DDHD2: variants seen among roughly 807,000 people sequenced by gnomAD.
DDHD2 encodes triacylglycerol hydrolase DDHD2.
A neutral mutation model predicts 91.2 loss-of-function variants in DDHD2; 62 were observed. The observed-to-expected ratio is 0.68, with a 90% confidence interval of 0.55 to 0.84. The LOEUF (loss-of-function observed/expected upper bound fraction) is 0.84. Ranked by LOEUF, DDHD2 falls within the 40% of genes least tolerant of loss-of-function variation. The pLI is 0.00. For missense variants in DDHD2, 740 were observed against 846.9 expected, an observed-to-expected ratio of 0.87 and a Z score of 1.57; for synonymous variants, 271 against 293.9, an observed-to-expected ratio of 0.92 and a Z score of 0.80.
chr8:38,269,239 A>G, intron 1 of DDHD2: 3 of 1,418,334 alleles, frequency 2.1e-6, no homozygotes, highest in Non-Finnish European at 1.8e-6. Context: ...TGACGTGGCC[A>G]CCTCCGCGGG....
chr8:38,264,198 A>C, downstream of DDHD2: 1 of 988,772 alleles, frequency 1.0e-6, no homozygotes, highest in African/African-American at 1.7e-5. Context: ...CCTAGGCTGG[A>C]GTGCAGTGGT....
downstream of DDHD2, chr8:38,262,837 T>C (rs1350836327): frequency 1.3e-5 from 2 of 152,214 alleles, no homozygotes; most frequent in Non-Finnish European, 2.9e-5. Flanking sequence ...ACAGTCACGA[T>C]TTTCTCTGTC....
At chr8:38,264,479 G>T, downstream of DDHD2, 1 of 1,552,290 alleles carries the variant, frequency 6.4e-7, no homozygotes, top group Non-Finnish European at 8.7e-7. Flanking sequence ...CCAGGCTTCT[G>T]TGCAGTGGAA....
At chr8:38,239,562 G>A (rs1223541281) in intron 5 of DDHD2, among the ~76,000 whole-genome samples, 10 of 146,316 alleles carry the variant, frequency 6.8e-5, no homozygotes, top group Admixed American at 6.8e-4. Flanking sequence ...TGGCGTGTGC[G>A]TGTAGTCCCA....
At chr8:38,247,471 C>A (rs532067635) in intron 9 of DDHD2, 10 of 243,594 alleles carry the variant, frequency 4.1e-5, no homozygotes, top group Non-Finnish European at 7.8e-5. Context: ...AAGCACTGAG[C>A]TCCCTTAAAA....
chr8:38,265,991 T>C, downstream of DDHD2: 1 of 528,534 alleles, frequency 1.9e-6, no homozygotes, highest in Non-Finnish European at 3.1e-6. Flanking sequence ...TTTCCTATAA[T>C]TTTAAATGTA....
At chr8:38,270,046 T>G (rs1808388370) in intron 1 of DDHD2, 1 of 152,182 alleles carries the variant, frequency 6.6e-6, no homozygotes, top group South Asian at 2.1e-4. Flanking sequence ...ATCCTCAAAA[T>G]ATTATATATC....
At chr8:38,249,970 G>A (rs1805982629) in intron 11 of DDHD2, 167 bp downstream of exon 11, 4 of 398,986 alleles carry the variant, frequency 1.0e-5, no homozygotes, top group Non-Finnish European at 1.9e-5. Context: ...AGGCTGGAGT[G>A]CAGTGGTGTG....
intron 7 of DDHD2, among the ~76,000 whole-genome samples, chr8:38,244,403 C>T (rs1358413996): frequency 6.7e-6 from 1 of 148,720 alleles, no homozygotes; most frequent in Non-Finnish European, 1.5e-5. Context: ...GCTGGGACTA[C>T]AGTCATGCGC....
intron 16 of DDHD2, among the ~76,000 whole-genome samples, chr8:38,256,081 A>T (rs1000326593): frequency 6.6e-6 from 1 of 152,192 alleles, no homozygotes; most frequent in African/African-American, 2.4e-5. Flanking sequence ...GAGTTTTGAC[A>T]TGTATACACC....
At chr8:38,234,894 A>G (rs1177792173) in intron 3 of DDHD2, among the ~76,000 whole-genome samples, 2 of 151,954 alleles carry the variant, frequency 1.3e-5, no homozygotes, top group African/African-American at 4.8e-5. Flanking sequence ...CAGCCTCCCA[A>G]GTAGCTGGGA....
chr8:38,239,388 A>G (rs1050603765), intron 5 of DDHD2, among the ~76,000 whole-genome samples: 6 of 148,770 alleles, frequency 4.0e-5, no homozygotes, highest in Non-Finnish European at 7.4e-5. Flanking sequence ...AAAAAAAAAA[A>G]AAAGTTTTTA....
chr8:38,264,609 A>G (rs1275847802), downstream of DDHD2: 1 of 1,587,246 alleles, frequency 6.3e-7, no homozygotes, highest in Non-Finnish European at 8.6e-7. Flanking sequence ...GTACATCTGA[A>G]GAGAGTGGAA....
At chr8:38,267,555 A>G (rs1807840922), downstream of DDHD2, 1 of 739,148 alleles carries the variant, frequency 1.4e-6, no homozygotes, top group East Asian at 3.0e-5. Flanking sequence ...AAAGCCTTTC[A>G]AGGTGAGCAT....
intron 10 of DDHD2, among the ~76,000 whole-genome samples, chr8:38,249,395 C>G (rs1310419648): frequency 6.6e-6 from 1 of 151,918 alleles, no homozygotes; most frequent in African/African-American, 2.4e-5. Flanking sequence ...AGCCACCGCG[C>G]CTGGCCAGAA....
chr8:38,232,288 C>G (rs560183787), intron 1 of DDHD2: 1 of 152,430 alleles, frequency 6.6e-6, no homozygotes, highest in African/African-American at 2.4e-5. Context: ...TGATCGTTGC[C>G]GAGTGGAAGG....
intron 2 of DDHD2, among the ~76,000 whole-genome samples, chr8:38,233,886 G>T (rs560847541): frequency 6.6e-6 from 1 of 151,000 alleles, no homozygotes; most frequent in East Asian, 1.9e-4. Context: ...CCAAGATTGT[G>T]CCACTGGACT....
At chr8:38,234,954 C>G (rs565798889) in intron 3 of DDHD2, among the ~76,000 whole-genome samples, 18 of 151,840 alleles carry the variant, frequency 1.2e-4, no homozygotes, top group Admixed American at 1.1e-3. Flanking sequence ...AGGGGCACTG[C>G]TATCTTTCCT....
chr8:38,258,946 G>A (rs1806747625), intron 16 of DDHD2, among the ~76,000 whole-genome samples: 2 of 152,146 alleles, frequency 1.3e-5, no homozygotes, highest in Non-Finnish European at 1.5e-5. Flanking sequence ...GTAATTGCTT[G>A]TGCATACGTA....
Sources: allele counts gnomAD v4.1 joint callset (sites outside exome capture counted in the v4.1 genomes callset), GRCh38; gene constraint gnomAD v4.1.1; transcripts MANE v1.5; gene names NCBI Gene and HGNC (gene_info 2026-07-23, HGNC 2026-07-21).